The following NTM variants were observed in gnomAD, a reference collection of about 807,000 sequenced individuals.
NTM encodes the protein neurotrimin, also known as IgLON family member 2.
NTM carries 13 observed loss-of-function variants against 42.1 expected under a neutral mutation model. The observed-to-expected ratio is 0.31, with a 90% CI of 0.20 to 0.49. The LOEUF is 0.49. Ranked by LOEUF, NTM falls within the 20% of genes least tolerant of loss-of-function variation. The pLI, the probability that NTM is intolerant of heterozygous loss-of-function variation, is 0.99. For synonymous variants in NTM, 187 were observed against 179.2 expected, an observed-to-expected ratio of 1.04 and a Z score of -0.35; for missense variants, 373 against 452.8, an observed-to-expected ratio of 0.82 and a Z score of 1.60.
In NTM at chr11:132,081,839, G is replaced by A. The variant is rs376290005; in HGVS notation, c.168-64443G>A. 7.9e-5 allele frequency among the ~76,000 whole-genome samples: 12 copies of A among 151,308 alleles called. No homozygotes were observed. In the East Asian group the frequency reaches 1.9e-3, roughly 25 times the overall value. Reference sequence around the variant, plus strand: ...AGCTACTTGGAGGGTTGTGGCAGGAGGATCACTTGAGCCTAGGAGTTCAAA... The same window carrying A: ...AGCTACTTGGAGGGTTGTGGCAGGAAGATCACTTGAGCCTAGGAGTTCAAA... On this transcript the variant is annotated intron_variant, in intron 2 of 8. Transcript: ENST00000683400.
intron 1 of NTM, among the ~76,000 whole-genome samples, chr11:131,409,263 G>A (rs1194508854): frequency 6.6e-6 from 1 of 152,242 alleles, no homozygotes. Flanking sequence ...GCAGGAGGGT[G>A]TATAATGGAG....
intron 1 of NTM, among the ~76,000 whole-genome samples, chr11:131,635,441 C>T (rs1367017964): frequency 5.9e-5 from 9 of 151,636 alleles, no homozygotes; most frequent in Admixed American, 5.9e-4. Context: ...AAAAGTAAAA[C>T]ACAAAGAAAA....
chr11:131,832,072 C>A (rs6590604), intron 1 of NTM, among the ~76,000 whole-genome samples: 119,764 of 150,432 alleles, frequency 0.8, 48,072 homozygotes, highest in African/African-American at 0.88. Context: ...GTGGATGAAC[C>A]AAAAGAAAGC....
intron 4 of NTM, among the ~76,000 whole-genome samples, chr11:132,307,422 T>C (rs1468021903): frequency 1.3e-5 from 2 of 152,148 alleles, no homozygotes; most frequent in Non-Finnish European, 2.9e-5. Context: ...TAATCACTTA[T>C]TGGGACCAGT....
chr11:131,632,780 T>C lies in NTM; in HGVS notation c.82+261892T>C, dbSNP rs536670038. 1.1e-3 allele frequency among the ~76,000 whole-genome samples: 162 copies of C among 144,276 alleles called. 7 individuals carry two copies. The highest frequency in any genetic ancestry group is 4.3e-3 in the African/African-American group (157 of 36,922). 94.7% of individuals were successfully genotyped at this position (144,276 alleles called of 152,430 possible). ...AGCTCCGCCTCCCGGGTTCACGCCA[T>C]TCTCCTGCCTCAGCCTCCCGTGTAG... On this transcript the variant is annotated intron_variant, in intron 1 of 8. Coordinates refer to ENST00000683400, the MANE Select transcript of NTM (RefSeq NM_001352005.2).
At chr11:131,455,330 A>G (rs1025103375) in intron 1 of NTM, 3 of 152,238 alleles carry the variant, frequency 2.0e-5, no homozygotes, top group Non-Finnish European at 2.9e-5. Flanking sequence ...AGCTCTCTGA[A>G]GGCTGCAGCC....
At chr11:131,896,104 A>G (rs1193242421) in intron 1 of NTM, among the ~76,000 whole-genome samples, 1 of 152,220 alleles carries the variant, frequency 6.6e-6, no homozygotes, top group African/African-American at 2.4e-5. Flanking sequence ...AGTAAAGGAC[A>G]TCATCTGATC....
In NTM at chr11:131,592,798, G is replaced by A. The variant is rs371434484; in HGVS notation, c.82+221910G>A. ...AGCCCTGGCCTGCCACACTCCCCAA[G>A]CTGCAGTCCCCCAGGTCCCCTCTCC... On this transcript the variant is annotated intron_variant, in intron 1 of 8. Transcript: ENST00000683400. 5.7e-4 allele frequency among the ~76,000 whole-genome samples: 87 copies of A among 152,054 alleles called. 1 individual carries two copies. Among genetic ancestry groups the A allele is most frequent in the African/African-American group, 2.0e-3 (85 of 41,472 alleles).
At chr11:131,391,602 T>C (rs1266978276) in intron 1 of NTM, among the ~76,000 whole-genome samples, 1 of 105,334 alleles carries the variant, frequency 9.5e-6, no homozygotes, top group Non-Finnish European at 1.9e-5. Context: ...TCTGTCCTGA[T>C]ATCACCAGGA....
At chr11:131,764,431 A>G (rs1189955119) in intron 1 of NTM, among the ~76,000 whole-genome samples, 1 of 152,106 alleles carries the variant, frequency 6.6e-6, no homozygotes, top group Non-Finnish European at 1.5e-5. Context: ...GGTGTTGTAG[A>G]ATCCCAAGAA....
chr11:132,075,780 A>G (rs2136217534), intron 2 of NTM, among the ~76,000 whole-genome samples: 1 of 152,278 alleles, frequency 6.6e-6, no homozygotes, highest in African/African-American at 2.4e-5. Context: ...TCTCCCTACC[A>G]TTCCACTCTA....
chr11:132,186,556 C>A (rs528738028), intron 3 of NTM, among the ~76,000 whole-genome samples: 1 of 152,340 alleles, frequency 6.6e-6, no homozygotes, highest in East Asian at 1.9e-4. Flanking sequence ...CTGCTTTAGA[C>A]AGCCTGCTTT....
chr11:131,554,320 C>T (rs572216760), intron 1 of NTM, among the ~76,000 whole-genome samples: 1 of 152,246 alleles, frequency 6.6e-6, no homozygotes, highest in Non-Finnish European at 1.5e-5. Context: ...AGTGATGAAC[C>T]TGTGATGGTT....
intron 1 of NTM, among the ~76,000 whole-genome samples, chr11:131,737,154 G>T (rs575693165): frequency 6.6e-6 from 1 of 152,330 alleles, no homozygotes; most frequent in African/African-American, 2.4e-5. Context: ...CTGGCATCTT[G>T]TGAGGCATCC....
At chr11:132,156,440 A>G (rs1351500470) in intron 3 of NTM, among the ~76,000 whole-genome samples, 1 of 152,100 alleles carries the variant, frequency 6.6e-6, no homozygotes, top group Non-Finnish European at 1.5e-5. Flanking sequence ...CCTGCTAACC[A>G]CTGCCACTCC....
At chr11:132,248,126 A>G (rs917426575) in intron 4 of NTM, among the ~76,000 whole-genome samples, 2 of 152,188 alleles carry the variant, frequency 1.3e-5, no homozygotes, top group African/African-American at 4.8e-5. Flanking sequence ...TGTGACTCAG[A>G]ACTCCTGCCC....
intron 1 of NTM, among the ~76,000 whole-genome samples, chr11:131,431,170 C>T (rs528400535): frequency 2.2e-4 from 33 of 152,226 alleles, no homozygotes; most frequent in South Asian, 4.2e-4. Flanking sequence ...GCAGCTTTCA[C>T]GGTGGGAATC....
intron 1 of NTM, among the ~76,000 whole-genome samples, chr11:131,504,810 C>T (rs71483672): frequency 2.0e-5 from 3 of 152,154 alleles, no homozygotes; most frequent in Non-Finnish European, 4.4e-5. Flanking sequence ...CGTCCACCCC[C>T]TCCACTCCTC....
intron 3 of NTM, among the ~76,000 whole-genome samples, chr11:132,183,317 G>T (rs2077867263): frequency 6.6e-6 from 1 of 152,116 alleles, no homozygotes; most frequent in African/African-American, 2.4e-5. Flanking sequence ...ATTTGGCAGT[G>T]ACCAAACAGG....
Sources: allele counts gnomAD v4.1 joint callset (sites outside exome capture counted in the v4.1 genomes callset), GRCh38; gene constraint gnomAD v4.1.1; transcripts MANE v1.5; gene names NCBI Gene and HGNC (gene_info 2026-07-23, HGNC 2026-07-21).